The following VWDE variants were observed in gnomAD, a reference collection of about 807,000 sequenced individuals.
VWDE encodes von Willebrand factor D and EGF domain-containing protein.
A neutral mutation model predicts 178.4 loss-of-function variants in VWDE; 207 were observed. That is an observed-to-expected ratio of 1.16 (90% CI 1.04 to 1.30). The LOEUF is 1.30. Among genes scored for constraint, VWDE ranks in the 50% most tolerant of loss-of-function variants. VWDE has a pLI of 0.00. For synonymous variants in VWDE, 738 were observed against 651.4 expected, an observed-to-expected ratio of 1.13 and a Z score of -2.02; for missense variants, 2,287 against 1,901.3, an observed-to-expected ratio of 1.20 and a Z score of -3.77.
rs1039701335 is a variant in VWDE at position 12,349,124 on chromosome 7, C to T, written c.3886+2449G>A. On this transcript the variant is annotated intron_variant, in intron 19 of 28. Transcript: ENST00000275358. ...ATAGCATTGGGAGATATACTTAATG[C>T]TAGATGACGAGTTAGTGGGTGCAGC... Among the ~76,000 whole-genome samples, 42 of 151,966 alleles carry T rather than the reference C, an allele frequency of 2.8e-4. 1 individual carries two copies. Among genetic ancestry groups the T allele is most frequent in the Non-Finnish European group, 5.1e-4 (35 of 67,998 alleles).
In VWDE at chr7:12,375,188, C is replaced by G; in HGVS notation, c.1064G>C (p.Cys355Ser). 6.4e-7 allele frequency: 1 copy of G among 1,551,080 alleles called. No homozygotes were observed. The highest frequency in any genetic ancestry group is 8.7e-7 in the Non-Finnish European group (1 of 1,146,544). Residue 355 changes from cysteine (C) to serine (S), a missense_variant, in exon 8 of 29, where the codon TGT becomes TCT. Physicochemically the swap from Cys to Ser is moderately radical, Grantham distance 112 (BLOSUM62 -1). Transcript: ENST00000275358. ...AGATGTCTGGAGAAGGTCCACATGA[C>G]AGGAAGACAGTGCCAAATTTAAGCC... The part of the protein sequence containing the change: ...HLGLNLALSS[C>S]HVDLLQTSSC...
At position 12,370,013 on chromosome 7, in the gene VWDE, GGAAAGCAAACAAAGGAGGAAACTCAT is replaced by G. The variant is rs1279419244; in HGVS notation, c.2267_2292del (p.His756ProfsTer21). On this transcript the variant is annotated frameshift_variant, in exon 12 of 29. Transcript: ENST00000275358. LOFTEE classifies it high-confidence loss of function. ...TCCAGATCCGTTTGGCTGAGACTCG[GGAAAGCAAACAAAGGAGGAAACTCAT>G]GAAAGTTCTGCCGTTTCCATCTGTT... is the stretch of plus-strand genomic sequence containing the variant. 1 of 1,551,474 alleles carries G rather than the reference GGAAAGCAAACAAAGGAGGAAACTCAT, an allele frequency of 6.4e-7. No individual in the cohort carries two copies. The highest frequency in any genetic ancestry group is 8.7e-7 in the Non-Finnish European group (1 of 1,146,898).
rs538569005 is a variant in VWDE, at chr7:12,374,149, T to C, written c.1316+540A>G. On this transcript the variant is annotated intron_variant, in intron 9 of 28. Coordinates refer to ENST00000275358, the MANE Select transcript of VWDE (RefSeq NM_001135924.3). ...ATATAACTGAGTTTAAATCTTTCTA[T>C]ACAGGTATTGATAACAAAATAGTTT... 3.0e-3 allele frequency among the ~76,000 whole-genome samples: 452 copies of C among 152,252 alleles called. 2 individuals carry two copies. Among genetic ancestry groups the C allele is most frequent in the African/African-American group, 0.011 (441 of 41,568 alleles).
intron 13 of VWDE, 129 bp from the exon 14 acceptor site, chr7:12,361,650 CAA>C (rs1160258711): frequency 1.2e-6 from 1 of 809,766 alleles, no homozygotes; most frequent in African/African-American, 1.8e-5. Context: ...AACAGGGAAA[CAA>C]AAGTCACATT....
intron 19 of VWDE, among the ~76,000 whole-genome samples, chr7:12,347,400 A>G (rs1781661788): frequency 6.6e-6 from 1 of 152,134 alleles, no homozygotes; most frequent in Non-Finnish European, 1.5e-5. Context: ...GTAATGATTC[A>G]ATGTTCCTAT....
At chr7:12,391,480 C>T (rs937928088) in intron 2 of VWDE, among the ~76,000 whole-genome samples, 3 of 152,186 alleles carry the variant, frequency 2.0e-5, no homozygotes, top group Admixed American at 2.0e-4. Context: ...AACTGTTTCA[C>T]CTACACATTC....
chr7:12,350,967 A>G (rs757112834), intron 19 of VWDE, among the ~76,000 whole-genome samples: 1 of 152,166 alleles, frequency 6.6e-6, no homozygotes, highest in Non-Finnish European at 1.5e-5. Flanking sequence ...AATCCACTAT[A>G]AACCGTAGTG....
At chr7:12,367,629 C>T (rs961702755) in intron 12 of VWDE, 136 bp from the exon 13 acceptor site, 4 of 637,762 alleles carry the variant, frequency 6.3e-6, no homozygotes, top group Non-Finnish European at 9.8e-6. Context: ...GCTTACAACA[C>T]TAATTAAGCC....
chr7:12,338,178 AT>A (rs147280977), intron 24 of VWDE, among the ~76,000 whole-genome samples: 2 of 151,972 alleles, frequency 1.3e-5, no homozygotes, highest in Non-Finnish European at 2.9e-5. Context: ...TTTCAAATGG[AT>A]TTTAAATGGA....
chr7:12,336,183 A>T lies in VWDE; in HGVS notation c.4612T>A (p.Cys1538Ser), dbSNP rs373415584. 6 of 1,551,506 alleles carry T rather than the reference A, an allele frequency of 3.9e-6. No individual in the cohort carries two copies. The Admixed American group carries it at 7.8e-5, about 20-fold the overall frequency. The part of the protein sequence containing the change: ...NGGECIAPSI[C>S]HCPSSWEGVR... The stretch of plus-strand genomic sequence containing the variant: ...CCTTCCCAGGAGGAAGGACAATGGC[A>T]TATGCTGGGCGCAATGCATTCACCA... The change falls in exon 27 of 29, where the codon TGC becomes AGC. Residue 1538 changes from cysteine to serine, a missense_variant. Coordinates refer to ENST00000275358, the MANE Select transcript of VWDE (RefSeq NM_001135924.3).
chr7:12,398,562 G>A (rs1417965039), intron 1 of VWDE, among the ~76,000 whole-genome samples: 1 of 152,102 alleles, frequency 6.6e-6, no homozygotes, highest in Non-Finnish European at 1.5e-5. Flanking sequence ...ATGGATTTGA[G>A]ACTGATCTTC....
chr7:12,364,090 A>G (rs533645697), intron 13 of VWDE, among the ~76,000 whole-genome samples: 2 of 152,182 alleles, frequency 1.3e-5, no homozygotes, highest in South Asian at 4.1e-4. Context: ...ACTTGTAAAG[A>G]AAAGAGTTAC....
At chr7:12,333,778 C>G in intron 27 of VWDE, 1 of 379,934 alleles carries the variant, frequency 2.6e-6, no homozygotes. Context: ...AAAATTCAAA[C>G]AACACTTTTG....
chr7:12,389,398 A>G, intron 2 of VWDE, 40 bp from the exon 3 acceptor site: 1 of 1,395,876 alleles, frequency 7.2e-7, no homozygotes, highest in Non-Finnish European at 9.9e-7. Context: ...AATTCAGTTT[A>G]TTTTCATCCA....
intron 21 of VWDE, among the ~76,000 whole-genome samples, chr7:12,343,843 C>T (rs1268454099): frequency 6.6e-6 from 1 of 152,044 alleles, no homozygotes; most frequent in Non-Finnish European, 1.5e-5. Context: ...GCATTTAACA[C>T]TTTATTTGAA....
Position 12,351,577 on chromosome 7 carries a change from G to A in VWDE, c.3882C>T (p.Ala1294=). ...KRHVKPTSGN[A]FTICKYPCGK... is the part of the protein sequence containing the mutation. ...TTAACTATGACCATTACTTACTGAA[G>A]GCATTTCCACTTGTTGGCTTAACAT... Residue 1294 remains alanine (A), a synonymous_variant, in exon 19 of 29, where the codon GCC becomes GCT. Transcript: ENST00000275358. 6.5e-7 allele frequency: 1 copy of A among 1,546,420 alleles called. No individual in the cohort carries two copies. The highest frequency in any genetic ancestry group is 1.2e-5 in the South Asian group (1 of 82,760).
Position 12,336,987 on chromosome 7 carries a change from C to T in VWDE, c.4558+1G>A, listed in dbSNP as rs200891470. The T allele has an allele frequency of 9.7e-5, 150 of 1,549,374 alleles. No homozygotes were observed. Among genetic ancestry groups the T allele is most frequent in the Non-Finnish European group, 1.2e-4 (135 of 1,145,814 alleles). ...CAGTGTTTTAAGAGTATTCCTCTTA[C>T]GTGTGTTGCATCGTTTCCCACTCCA... On this transcript the variant is annotated splice_donor_variant, in intron 26 of 28. Transcript: ENST00000275358. LOFTEE classifies it high-confidence loss of function.
In VWDE at chr7:12,380,561, C is replaced by T. The variant is rs1241155840; in HGVS notation, c.714G>A (p.Glu238=). Residue 238 remains glutamate, a synonymous_variant, in exon 5 of 29, where the codon GAG becomes GAA. Coordinates refer to ENST00000275358, the MANE Select transcript of VWDE (RefSeq NM_001135924.3). ...CCTGAACTGTGGTCTCTTGTGTCAG[C>T]TCCTCTTTGACTTCTTGAGAAGAAA... ...SRLSSQEVKE[E]LTQETTVQAF... 3 of 1,552,004 alleles carry T rather than the reference C, an allele frequency of 1.9e-6. No individual in the cohort carries two copies. Among genetic ancestry groups the T allele is most frequent in the Non-Finnish European group, 2.6e-6 (3 of 1,147,092 alleles).
chr7:12,373,027 C>T lies in VWDE; in HGVS notation c.1537G>A (p.Val513Ile). 1 of 1,551,206 alleles carries T rather than the reference C, an allele frequency of 6.4e-7. No individual in the cohort carries two copies. Among genetic ancestry groups the T allele is most frequent in the East Asian group, 2.4e-5 (1 of 40,894 alleles). Residue 513 changes from valine (V) to isoleucine (I), a missense_variant, in exon 10 of 29, where the codon GTA becomes ATA. Physicochemically the swap from Val to Ile is conservative, Grantham distance 29. Transcript: ENST00000275358. ...TCACTTATCTTGATATTCCTGGTTACATCTTGGCTTTTTATGAACAAATAT... is the reference window on the plus strand; with the variant it reads ...TCACTTATCTTGATATTCCTGGTTATATCTTGGCTTTTTATGAACAAATAT... ...QPYLFIKSQD[V>I]TRNIKISESY...
Sources: allele counts gnomAD v4.1 joint callset (sites outside exome capture counted in the v4.1 genomes callset), GRCh38; gene constraint gnomAD v4.1.1; transcripts MANE v1.5; gene names NCBI Gene and HGNC (gene_info 2026-07-23, HGNC 2026-07-21).